Variants in SORCS1 observed in about 807,000 individuals in gnomAD.
SORCS1 encodes the protein VPS10 domain-containing receptor SorCS1.
SORCS1 carries 60 observed loss-of-function variants against 146.1 expected under a neutral mutation model. The observed-to-expected ratio is 0.41, with a 90% CI of 0.33 to 0.51. SORCS1 has a LOEUF of 0.51. Ranked by LOEUF, SORCS1 falls within the 20% of genes least tolerant of loss-of-function variation. The pLI, the probability that SORCS1 is intolerant of heterozygous loss-of-function variation, is 0.21. For synonymous variants in SORCS1, 637 were observed against 584.0 expected (o/e 1.09, Z -1.31); for missense variants, 1,352 against 1,487.6 (o/e 0.91, Z 1.50).
chr10:107,042,058 C>G (rs1399481135), intron 1 of SORCS1, among the ~76,000 whole-genome samples: 1 of 152,156 alleles, frequency 6.6e-6, no homozygotes, highest in Non-Finnish European at 1.5e-5. Flanking sequence ...TTTAAAACTT[C>G]ACAGTGCTGT....
At chr10:106,876,067 A>T (rs946687638) in intron 2 of SORCS1, among the ~76,000 whole-genome samples, 4 of 152,024 alleles carry the variant, frequency 2.6e-5, no homozygotes, top group African/African-American at 9.7e-5. Context: ...TCTAGTTATG[A>T]CTTTTAATAT....
the SORCS1 span, among the ~76,000 whole-genome samples, chr10:107,173,951 TACATCATAAA>T: frequency 1.3e-5 from 2 of 152,212 alleles, no homozygotes; most frequent in Non-Finnish European, 2.9e-5. Context: ...AACATCATAA[TACATCATAAA>T]ACCTGATATG....
At chr10:106,850,327 C>T (rs535722678) in intron 2 of SORCS1, among the ~76,000 whole-genome samples, 10 of 152,164 alleles carry the variant, frequency 6.6e-5, no homozygotes, top group East Asian at 5.8e-4. Context: ...GCGCAATATT[C>T]GGGTGGGAGT....
At position 107,164,133 on chromosome 10, in the gene SORCS1, G is replaced by A. The variant is rs1565125920; in HGVS notation, c.394C>T (p.Leu132=). The A allele has an allele frequency of 2.5e-6, 4 of 1,613,412 alleles. No individual in the cohort carries two copies. The highest frequency in any genetic ancestry group is 1.7e-6 in the Non-Finnish European group (2 of 1,180,000). ...EGASRSPRGV[L]RDGGQQEPGT... ...GGCTCCTGCTGCCCTCCATCTCTTA[G>A]CACTCCCCGGGGGCTCCGACTCGCG... Residue 132 remains leucine (L), a synonymous_variant, in exon 1 of 26, where the codon CTA becomes TTA. Coordinates refer to ENST00000263054, the MANE Select transcript of SORCS1 (RefSeq NM_052918.5). The surrounding 1 kb of genome is among the most constrained non-coding windows in gnomAD (Gnocchi z 6.8).
chr10:106,913,480 C>A (rs551497936), intron 2 of SORCS1, among the ~76,000 whole-genome samples: 1 of 152,306 alleles, frequency 6.6e-6, no homozygotes, highest in Non-Finnish European at 1.5e-5. Flanking sequence ...GCCTACTCTA[C>A]GGCTTTCTCA....
intron 1 of SORCS1, among the ~76,000 whole-genome samples, chr10:107,031,532 A>T (rs955216466): frequency 6.6e-6 from 1 of 152,116 alleles, no homozygotes; most frequent in African/African-American, 2.4e-5. Flanking sequence ...GGTTTCTGTT[A>T]CGTTAGTAGA....
At chr10:107,027,593 C>T (rs114689846) in intron 1 of SORCS1, among the ~76,000 whole-genome samples, 1 of 152,160 alleles carries the variant, frequency 6.6e-6, no homozygotes, top group Admixed American at 6.5e-5. Context: ...TACACTCATC[C>T]CCGAGCAGTC....
At chr10:107,007,784 G>C (rs1957517971) in intron 1 of SORCS1, among the ~76,000 whole-genome samples, 1 of 152,154 alleles carries the variant, frequency 6.6e-6, no homozygotes, top group Non-Finnish European at 1.5e-5. Context: ...AGCACCTCTA[G>C]GCCACATCCC....
chr10:107,061,467 C>T (rs571795876), intron 1 of SORCS1, among the ~76,000 whole-genome samples: 14 of 152,230 alleles, frequency 9.2e-5, no homozygotes, highest in South Asian at 4.1e-4. Flanking sequence ...TCAGGTTTTT[C>T]GACATCTCTT....
At chr10:106,769,361 A>G (rs113105928) in intron 4 of SORCS1, among the ~76,000 whole-genome samples, 8 of 151,878 alleles carry the variant, frequency 5.3e-5, no homozygotes, top group African/African-American at 1.9e-4. Flanking sequence ...GGCGGGTGCC[A>G]GTAATCCCAG....
At chr10:107,084,730 T>C (rs548008905) in intron 1 of SORCS1, among the ~76,000 whole-genome samples, 2 of 152,314 alleles carry the variant, frequency 1.3e-5, no homozygotes, top group Admixed American at 6.5e-5. Flanking sequence ...CCTTGATGTA[T>C]TTCTTAACTA....
At chr10:106,806,807 A>G (rs1006538330) in intron 3 of SORCS1, among the ~76,000 whole-genome samples, 9 of 151,336 alleles carry the variant, frequency 5.9e-5, no homozygotes, top group East Asian at 3.9e-4. Flanking sequence ...GAGCCACCGC[A>G]CCCGGAGGAG....
At chr10:107,003,587 A>C (rs1479576863) in intron 1 of SORCS1, among the ~76,000 whole-genome samples, 4 of 152,120 alleles carry the variant, frequency 2.6e-5, no homozygotes, top group Non-Finnish European at 5.9e-5. Flanking sequence ...TGTCTATTTC[A>C]GATCTAAAAA....
At chr10:106,577,606 A>G in intron 25 of SORCS1, 51 bp from the exon 26 acceptor site, 1 of 1,607,464 alleles carries the variant, frequency 6.2e-7, no homozygotes. Context: ...GGAAAGGGAA[A>G]GGTGTCAGAG....
chr10:106,575,623 T>C lies in SORCS1; in HGVS notation c.*1797A>G, dbSNP rs1470423513. ...GGGGTTTCTTCATGCTTTGTGCCAATCTTTTTTGCCAATCAGTAACTCTCC... is the reference window on the plus strand; with the variant it reads ...GGGGTTTCTTCATGCTTTGTGCCAACCTTTTTTGCCAATCAGTAACTCTCC... On this transcript the variant is annotated 3_prime_UTR_variant, in exon 26 of 26. Coordinates refer to ENST00000263054, the MANE Select transcript of SORCS1 (RefSeq NM_052918.5). 6.6e-6 allele frequency: 1 copy of C among 152,384 alleles called. No individual in the cohort carries two copies. The highest frequency in any genetic ancestry group is 1.5e-5 in the Non-Finnish European group (1 of 68,034). 9.4% of individuals were successfully genotyped at this position (152,384 alleles called of 1,614,324 possible).
At position 106,960,729 on chromosome 10, in the gene SORCS1, G is replaced by A. The variant is rs1265699221; in HGVS notation, c.559-4149C>T. On this transcript the variant is annotated intron_variant, in intron 1 of 25. Coordinates refer to ENST00000263054, the MANE Select transcript of SORCS1 (RefSeq NM_052918.5). The surrounding 1 kb of genome is among the most constrained non-coding windows in gnomAD (Gnocchi z 4.4). ...CCATACTTAGAGAGAGGATGCCAGT[G>A]CCCACTCACCAAGCTGCTGTTCTCA... Among the ~76,000 whole-genome samples, 1 of 152,060 alleles carries A rather than the reference G, an allele frequency of 6.6e-6. No homozygotes were observed. Among genetic ancestry groups the A allele is most frequent in the Non-Finnish European group, 1.5e-5 (1 of 68,000 alleles).
At chr10:106,953,774 A>C (rs183153391) in intron 2 of SORCS1, among the ~76,000 whole-genome samples, 284 of 152,330 alleles carry the variant, frequency 1.9e-3, no homozygotes, top group Non-Finnish European at 3.1e-3. Flanking sequence ...AATATGTCTA[A>C]ACAAAAGAGA....
Position 107,164,434 on chromosome 10 carries a change from G to C in SORCS1, c.93C>G (p.Val31=), listed in dbSNP as rs752831204. ...AGLLILCAPG[V]CGGGSCCPSP... ...AGGGGCAGCAGGAGCCGCCGCCGCA[G>C]ACGCCCGGGGCGCAGAGGATCAAGA... Residue 31 remains valine, a synonymous_variant, in exon 1 of 26, where the codon GTC becomes GTG. Coordinates refer to ENST00000263054, the MANE Select transcript of SORCS1 (RefSeq NM_052918.5). This position sits in a 1 kb window ranked among gnomAD's most constrained non-coding sequence, Gnocchi z 6.8. 12 of 1,409,634 alleles carry C rather than the reference G, an allele frequency of 8.5e-6. No individual in the cohort carries two copies. The South Asian group carries it at 1.9e-4, about 22-fold the overall frequency. The allele number at this position is 1,409,634 out of a possible 1,614,324, so 87.3% of individuals were successfully genotyped here.
chr10:106,834,836 T>G (rs1457986533), intron 2 of SORCS1, among the ~76,000 whole-genome samples: 1 of 152,244 alleles, frequency 6.6e-6, no homozygotes, highest in East Asian at 1.9e-4. Context: ...ACAGGTTGAC[T>G]TATCTATAAA....
Sources: allele counts gnomAD v4.1 joint callset (sites outside exome capture counted in the v4.1 genomes callset), GRCh38; gene constraint gnomAD v4.1.1; non-coding constraint Gnocchi (gnomAD v3.1); transcripts MANE v1.5; gene names NCBI Gene and HGNC (gene_info 2026-07-23, HGNC 2026-07-21).